The following MAP4K3 variants were observed in gnomAD, a reference collection of about 807,000 sequenced individuals.
MAP4K3 encodes mitogen-activated protein kinase kinase kinase kinase 3, also known as MAPK/ERK kinase kinase kinase 3.
In MAP4K3, 94 loss-of-function variants were observed where a neutral mutation model predicts 143.5. The ratio of observed to expected loss-of-function variants is 0.65; its 90% confidence interval spans 0.55 to 0.78. The LOEUF is 0.78. Ranked by LOEUF, MAP4K3 falls within the 30% of genes least tolerant of loss-of-function variation. MAP4K3 has a pLI of 0.00. For missense variants in MAP4K3, 1,077 were observed against 1,068.1 expected, an observed-to-expected ratio of 1.01 and a Z score of -0.12; for synonymous variants, 416 against 347.2, an observed-to-expected ratio of 1.20 and a Z score of -2.20.
chr2:39,267,332 G>A, intron 26 of MAP4K3, 85 bp from the exon 27 acceptor site: 1 of 998,876 alleles, frequency 1.0e-6, no homozygotes, highest in Non-Finnish European at 1.6e-6. Flanking sequence ...AGTGCACAAA[G>A]GATGAGTTCA....
At chr2:39,405,038 A>G (rs1375318951) in intron 1 of MAP4K3, among the ~76,000 whole-genome samples, 1 of 152,196 alleles carries the variant, frequency 6.6e-6, no homozygotes, top group Non-Finnish European at 1.5e-5. Flanking sequence ...TGGCTTCACC[A>G]TCTGCTGATT....
chr2:39,334,942 T>C (rs2148525318), intron 6 of MAP4K3, among the ~76,000 whole-genome samples: 1 of 152,264 alleles, frequency 6.6e-6, no homozygotes, highest in Non-Finnish European at 1.5e-5. Flanking sequence ...CAGTAATATA[T>C]GAGCAGAGAT....
intron 1 of MAP4K3, among the ~76,000 whole-genome samples, chr2:39,434,636 T>C (rs879918073): frequency 1.3e-5 from 2 of 152,252 alleles, no homozygotes; most frequent in Non-Finnish European, 2.9e-5. Flanking sequence ...CCATCTCCTA[T>C]CTTTAGAGAG....
At chr2:39,338,991 ATCTG>A (rs1665062566) in intron 4 of MAP4K3, among the ~76,000 whole-genome samples, 1 of 152,236 alleles carries the variant, frequency 6.6e-6, no homozygotes, top group Non-Finnish European at 1.5e-5. Flanking sequence ...CAAACAGAGC[ATCTG>A]TACACTAAAA....
At chr2:39,265,821 C>G (rs1374348992) in intron 27 of MAP4K3, among the ~76,000 whole-genome samples, 1 of 152,020 alleles carries the variant, frequency 6.6e-6, no homozygotes, top group Non-Finnish European at 1.5e-5. Flanking sequence ...AGATATTAAT[C>G]GAACCTTAAA....
chr2:39,264,829 G>A (rs1680704403), intron 28 of MAP4K3, among the ~76,000 whole-genome samples: 1 of 152,154 alleles, frequency 6.6e-6, no homozygotes, highest in African/African-American at 2.4e-5. Context: ...TGTCATTATG[G>A]TTACCCCTAG....
chr2:39,289,921 CT>C (rs1466452704), intron 19 of MAP4K3, among the ~76,000 whole-genome samples: 5 of 152,146 alleles, frequency 3.3e-5, no homozygotes, highest in African/African-American at 1.2e-4. Context: ...CCAGTCTCTA[CT>C]AAAAAATACA....
At chr2:39,363,823 C>A in intron 2 of MAP4K3, among the ~76,000 whole-genome samples, 1 of 151,230 alleles carries the variant, frequency 6.6e-6, no homozygotes. Flanking sequence ...ATACAGTAAT[C>A]ATACTGGGGA....
intron 19 of MAP4K3, among the ~76,000 whole-genome samples, chr2:39,290,084 CAAAA>C (rs57058905): frequency 1.1e-3 from 127 of 111,948 alleles, no homozygotes; most frequent in African/African-American, 4.7e-3. Flanking sequence ...GAGACTGTCT[CAAAA>C]AAAAAAAAAA....
chr2:39,365,420 C>T (rs1012986984), intron 2 of MAP4K3, among the ~76,000 whole-genome samples: 3 of 147,042 alleles, frequency 2.0e-5, no homozygotes, highest in Admixed American at 1.4e-4. Flanking sequence ...TTTTGGGTTA[C>T]GCCATAGTAA....
intron 3 of MAP4K3, among the ~76,000 whole-genome samples, chr2:39,347,063 A>C (rs1005217189): frequency 6.6e-6 from 1 of 152,110 alleles, no homozygotes; most frequent in African/African-American, 2.4e-5. Flanking sequence ...TTTTAATAAC[A>C]CTAAGAAATT....
intron 22 of MAP4K3, among the ~76,000 whole-genome samples, chr2:39,282,101 A>C (rs181943023): frequency 2.4e-4 from 36 of 151,828 alleles, no homozygotes; most frequent in African/African-American, 8.2e-4. Flanking sequence ...AGGCTGAGGC[A>C]GGAGAATGGC....
At chr2:39,351,685 T>C (rs557713435) in intron 3 of MAP4K3, among the ~76,000 whole-genome samples, 1 of 152,372 alleles carries the variant, frequency 6.6e-6, no homozygotes, top group Non-Finnish European at 1.5e-5. Context: ...TACTTTAGTT[T>C]TGAGACAGAG....
intron 16 of MAP4K3, chr2:39,293,738 A>C (rs938078246): frequency 1.3e-5 from 2 of 159,406 alleles, no homozygotes; most frequent in African/African-American, 4.8e-5. Flanking sequence ...CAATCCTACA[A>C]AATGAAACTC....
At chr2:39,306,704 G>A (rs1682719726) in intron 15 of MAP4K3, among the ~76,000 whole-genome samples, 1 of 152,090 alleles carries the variant, frequency 6.6e-6, no homozygotes, top group Admixed American at 6.6e-5. Flanking sequence ...CAAACCTGTG[G>A]TCTGTGCTGG....
At chr2:39,373,586 A>G (rs566169401) in intron 2 of MAP4K3, among the ~76,000 whole-genome samples, 1 of 152,334 alleles carries the variant, frequency 6.6e-6, no homozygotes, top group South Asian at 2.1e-4. Flanking sequence ...ACATACGTAC[A>G]ATGGAGTACT....
chr2:39,354,609 C>A (rs1287667266), intron 3 of MAP4K3, among the ~76,000 whole-genome samples: 1 of 151,922 alleles, frequency 6.6e-6, no homozygotes, highest in African/African-American at 2.4e-5. Flanking sequence ...TTGCACTGAG[C>A]TGAGATCATG....
At chr2:39,287,289 T>G (rs1305423882) in intron 20 of MAP4K3, among the ~76,000 whole-genome samples, 4 of 99,300 alleles carry the variant, frequency 4.0e-5, no homozygotes, top group Non-Finnish European at 7.6e-5. Flanking sequence ...CCAAGAAACT[T>G]TAGTTGCTCT....
chr2:39,351,381 CAG>C lies in MAP4K3; in HGVS notation c.245+4866_245+4867del, dbSNP rs199814422. Among the ~76,000 whole-genome samples, 621 of 152,328 alleles carry C rather than the reference CAG, an allele frequency of 4.1e-3. 5 individuals carry two copies. The highest frequency in any genetic ancestry group is 0.014 in the African/African-American group (590 of 41,572). ...CTGATTCCCCTACATTGACAAAAAT[CAG>C]AGAGTCTATCATCCTTAGCACTTCT... On this transcript the variant is annotated intron_variant, in intron 3 of 33. Transcript: ENST00000263881.
Sources: gnomAD v4.1 joint callset for allele counts (sites outside exome capture counted in the v4.1 genomes callset) on GRCh38, gnomAD v4.1.1 for gene constraint, MANE v1.5 for transcripts, NCBI Gene and HGNC (gene_info 2026-07-23, HGNC 2026-07-21) for gene names.